The following PPFIA4 variants were observed in gnomAD, a reference collection of about 807,000 sequenced individuals.
The protein encoded by PPFIA4 is liprin-alpha-4.
A neutral mutation model predicts 145.7 loss-of-function variants in PPFIA4; 98 were observed. The observed-to-expected ratio is 0.67, with a 90% CI of 0.57 to 0.80. The LOEUF (loss-of-function observed/expected upper bound fraction) is 0.80. Ranked by LOEUF, PPFIA4 falls within the 30% of genes least tolerant of loss-of-function variation. The probability of loss-of-function intolerance (pLI) is 0.00; values close to 1 mark genes in which losing one functional copy is unlikely to be tolerated. For missense variants in PPFIA4, 1,457 were observed against 1,632.7 expected (o/e 0.89, Z 1.85); for synonymous variants, 628 against 649.6 (o/e 0.97, Z 0.51).
Position 203,076,521 on chromosome 1 carries a change from A to G in PPFIA4, c.*131A>G. The G allele has an allele frequency of 2.2e-6, 2 of 917,084 alleles. No individual in the cohort carries two copies. Among genetic ancestry groups the G allele is most frequent in the Non-Finnish European group, 3.4e-6 (2 of 581,306 alleles). 56.8% of individuals were successfully genotyped at this position (917,084 alleles called of 1,614,324 possible). A position where few individuals can be genotyped will look rare whatever the true frequency, so the allele number is the denominator to read the frequency against. The stretch of plus-strand genomic sequence containing the variant: ...TGACTTTCCGGTTGCCCTGGATCTC[A>G]GAATATATTCGTCCACCCCCTCGGC... On this transcript the variant is annotated 3_prime_UTR_variant, in exon 30 of 30. Transcript: ENST00000295706.
intron 13 of PPFIA4, chr1:203,051,409 G>A (rs928691666): frequency 1.7e-5 from 14 of 823,090 alleles, no homozygotes; most frequent in East Asian, 9.0e-5. Flanking sequence ...CCTGCGCCAC[G>A]TGTGTCAGAT....
intron 12 of PPFIA4, 126 bp from the exon 13 acceptor site, chr1:203,049,550 T>C (rs1315513378): frequency 3.1e-5 from 26 of 826,366 alleles, no homozygotes; most frequent in African/African-American, 2.6e-4. Context: ...GGCTTTGGAC[T>C]TTGCAGTACA....
chr1:203,028,764 T>C (rs1658616640), intron 1 of PPFIA4, among the ~76,000 whole-genome samples: 1 of 151,262 alleles, frequency 6.6e-6, no homozygotes, highest in South Asian at 2.1e-4. Context: ...GGGTCCTACG[T>C]AGGGAATTGA....
At chr1:203,063,557 G>C in intron 24 of PPFIA4, 1 of 364,282 alleles carries the variant, frequency 2.7e-6, no homozygotes, top group Non-Finnish European at 5.0e-6. Context: ...ATTAGCTGCT[G>C]CCGGGATAGC....
At position 203,048,404 on chromosome 1, in the gene PPFIA4, C is replaced by T; in HGVS notation, c.1224+94C>T. ...GAAGGGGCACGGAGGAAGGGCCTGG[C>T]CAGGGACACAGCCACAGAGAGTGGG... On this transcript the variant is annotated intron_variant, in intron 10 of 29. Coordinates refer to ENST00000295706, the MANE Select transcript of PPFIA4 (RefSeq NM_001304331.2). This position sits in a 1 kb window ranked among gnomAD's most constrained non-coding sequence, Gnocchi z 5.8. The T allele has an allele frequency of 1.3e-6, 2 of 1,496,052 alleles. No homozygotes were observed. The highest frequency in any genetic ancestry group is 1.8e-6 in the Non-Finnish European group (2 of 1,095,650). 92.7% of individuals were successfully genotyped at this position (1,496,052 alleles called of 1,614,324 possible).
chr1:203,056,645 G>A (rs1007772815), intron 18 of PPFIA4, 137 bp downstream of exon 18: 1 of 1,346,194 alleles, frequency 7.4e-7, no homozygotes, highest in Non-Finnish European at 1.0e-6. Context: ...CATCAGGGAA[G>A]GGAGTTCATG....
chr1:203,065,495 C>G, intron 25 of PPFIA4, among the ~76,000 whole-genome samples: 1 of 152,308 alleles, frequency 6.6e-6, no homozygotes, highest in South Asian at 2.1e-4. Flanking sequence ...TGGCCCCAGC[C>G]AGGACTATGG....
intron 17 of PPFIA4, 47 bp from the exon 18 acceptor site, chr1:203,056,328 C>T: frequency 6.2e-7 from 1 of 1,605,922 alleles, no homozygotes; most frequent in Non-Finnish European, 8.5e-7. Flanking sequence ...GGTAGGCAGG[C>T]CCGAGATCTC....
Position 203,039,034 on chromosome 1 carries a change from A to G in PPFIA4, c.26A>G (p.Asn9Ser), listed in dbSNP as rs779774946. The change falls in exon 2 of 30, where the codon AAT (asparagine) becomes AGT (serine). Residue 9 changes from asparagine (N) to serine (S), a missense_variant. Asn to Ser is a conservative substitution (Grantham distance 46). This residue lies in a region of PPFIA4 where 463 missense variants were observed against 459.8 expected (regional missense o/e 1.01). Coordinates refer to ENST00000295706, the MANE Select transcript of PPFIA4 (RefSeq NM_001304331.2). ...ATGTGTGAGGTGATGCCCACAATCA[A>G]TGAGGGGGACCGCCTGGGTCCCCCT... MCEVMPTI[N>S]EGDRLGPPHG... 6 of 1,562,410 alleles carry G rather than the reference A, an allele frequency of 3.8e-6. No homozygotes were observed. In the East Asian group the frequency reaches 9.2e-5, roughly 24 times the overall value.
chr1:203,069,602 C>T (rs762830602), intron 27 of PPFIA4, among the ~76,000 whole-genome samples: 13 of 152,198 alleles, frequency 8.5e-5, no homozygotes, highest in Non-Finnish European at 1.3e-4. Context: ...TGAAATTCAG[C>T]CACCAGAGCT....
At position 203,059,200 on chromosome 1, in the gene PPFIA4, C is replaced by T; in HGVS notation, c.2430C>T (p.Phe810=). ...TGHVLLTDSE[F]SMQEPMVPAK... ...TAGTTCTGCTAACAGACTCCGAATT[C>T]AGTATGCAGGAGCCTATGGTGCCTG... Residue 810 remains phenylalanine, a synonymous_variant, in exon 20 of 30, where the codon TTC becomes TTT. Coordinates refer to ENST00000295706, the MANE Select transcript of PPFIA4 (RefSeq NM_001304331.2). The T allele has an allele frequency of 6.5e-7, 1 of 1,542,466 alleles. No homozygotes were observed. Among genetic ancestry groups the T allele is most frequent in the Non-Finnish European group, 8.8e-7 (1 of 1,131,320 alleles).
At chr1:203,063,788 T>A in intron 24 of PPFIA4, 40 bp from the exon 25 acceptor site, 1 of 1,610,414 alleles carries the variant, frequency 6.2e-7, no homozygotes, top group Non-Finnish European at 8.5e-7. Flanking sequence ...TGGCTCTACC[T>A]TCCTCCCCCA....
In PPFIA4 at chr1:203,060,542, AG is replaced by A. The variant is rs1661289386; in HGVS notation, c.2784+128del. ...TGCCCCTTCCTTCCCATCCTCACAA[AG>A]GGCTCTCCCTGGTCTTCAGGAGGAT... On this transcript the variant is annotated intron_variant, in intron 22 of 29. Coordinates refer to ENST00000295706, the MANE Select transcript of PPFIA4 (RefSeq NM_001304331.2). The surrounding 1 kb of genome is among the most constrained non-coding windows in gnomAD (Gnocchi z 4.8). 1 of 996,238 alleles carries A rather than the reference AG, an allele frequency of 1.0e-6. No individual in the cohort carries two copies. Among genetic ancestry groups the A allele is most frequent in the South Asian group, 1.5e-5 (1 of 67,006 alleles). The allele number at this position is 996,238 out of a possible 1,614,324, so 61.7% of individuals were successfully genotyped here. A position where few individuals can be genotyped will look rare whatever the true frequency, so the allele number is the denominator to read the frequency against.
intron 25 of PPFIA4, among the ~76,000 whole-genome samples, chr1:203,066,961 G>A (rs1661764152): frequency 6.6e-6 from 1 of 152,198 alleles, no homozygotes; most frequent in Non-Finnish European, 1.5e-5. Flanking sequence ...AATTAGACCA[G>A]GGTGAGAGGG....
Position 203,046,266 on chromosome 1 carries a change from C to T in PPFIA4, c.1024C>T (p.His342Tyr). 6.3e-7 allele frequency: 1 copy of T among 1,595,222 alleles called. No individual in the cohort carries two copies. The highest frequency in any genetic ancestry group is 8.5e-7 in the Non-Finnish European group (1 of 1,171,600). ...TTGCTAGTGTGAGGAGAAGGCCCGA[C>T]ACCTGCAGGAGCTGCTGGAGGTGGC... ...LHRQCEEKARHLQELLEVAEQ... is the reference protein window; with the variant it reads ...LHRQCEEKARYLQELLEVAEQ... The change falls in exon 9 of 30, where the codon CAC becomes TAC. Residue 342 changes from histidine to tyrosine, a missense_variant. Around this residue, in one of 3 missense-constraint regions of PPFIA4, gnomAD observed 463 missense variants for 459.8 expected, o/e 1.01. Transcript: ENST00000295706.
In PPFIA4 at chr1:203,056,487, TG is replaced by T; in HGVS notation, c.2220del (p.Ser741AlafsTer51). 1 of 1,613,886 alleles carries T rather than the reference TG, an allele frequency of 6.2e-7. No individual in the cohort carries two copies. The highest frequency in any genetic ancestry group is 8.5e-7 in the Non-Finnish European group (1 of 1,179,826). On this transcript the variant is annotated frameshift_variant, in exon 18 of 30. Coordinates refer to ENST00000295706, the MANE Select transcript of PPFIA4 (RefSeq NM_001304331.2). LOFTEE classifies it high-confidence loss of function. Reference sequence around the variant, plus strand: ...CTAGAGAAGCTTGGCCACCCAGCCCTGAGCCAGGAAGAAGGCAAGAGGTAAG... The same window carrying T: ...CTAGAGAAGCTTGGCCACCCAGCCCTAGCCAGGAAGAAGGCAAGAGGTAAG... ...LRLEKLGHPA[L>X]SQEEGKSALE...
rs1659770654 is a variant in PPFIA4, at chr1:203,042,541, G to A, written c.235-856G>A. Among the ~76,000 whole-genome samples the A allele has an allele frequency of 3.3e-5, 5 of 152,244 alleles. No homozygotes were observed. The South Asian group carries it at 1.0e-3, about 31-fold the overall frequency. ...CTGCTTATTTCACCCGCTACTTGCA[G>A]TTTGCAAAGCCTTGGGATGGGGCTG... On this transcript the variant is annotated intron_variant, in intron 2 of 29. Coordinates refer to ENST00000295706, the MANE Select transcript of PPFIA4 (RefSeq NM_001304331.2).
chr1:203,061,745 C>A (rs1661377247), intron 24 of PPFIA4, 67 bp downstream of exon 24: 19 of 1,473,136 alleles, frequency 1.3e-5, no homozygotes, highest in Non-Finnish European at 1.6e-5. Context: ...CTGGTAGGTT[C>A]TCTCCGCAGC....
rs544024882 is a variant in PPFIA4, at chr1:203,044,214, G to A, written c.501+119G>A. On this transcript the variant is annotated intron_variant, in intron 4 of 29. Coordinates refer to ENST00000295706, the MANE Select transcript of PPFIA4 (RefSeq NM_001304331.2). ...GGAGCACTGGCTCCCTCCAAACATT[G>A]TCTTAACTTCAAGGTCCTCCTGTTA... 53 of 1,263,136 alleles carry A rather than the reference G, an allele frequency of 4.2e-5. No homozygotes were observed. The African/African-American group carries it at 6.7e-4, about 16-fold the overall frequency. The allele number at this position is 1,263,136 out of a possible 1,614,324, so 78.2% of individuals were successfully genotyped here.
Sources: gnomAD v4.1 joint callset for allele counts (sites outside exome capture counted in the v4.1 genomes callset) on GRCh38, gnomAD v4.1.1 for gene constraint, gnomAD v4.1.1 regional missense constraint, Gnocchi (gnomAD v3.1) non-coding constraint, MANE v1.5 for transcripts, NCBI Gene and HGNC (gene_info 2026-07-23, HGNC 2026-07-21) for gene names.